Variants in ANO4 observed in about 807,000 individuals in gnomAD.
ANO4 encodes the protein anoctamin-4.
Under a neutral mutation model 141.9 loss-of-function variants are expected in ANO4, and 69 were observed. That is an observed-to-expected ratio of 0.49 (90% CI 0.40 to 0.59). The LOEUF is 0.59. Ranked by LOEUF, ANO4 falls within the 20% of genes least tolerant of loss-of-function variation. The pLI is 0.00. For missense variants in ANO4, 894 were observed against 1,162.2 expected (o/e 0.77, Z 3.36); for synonymous variants, 350 against 394.3 (o/e 0.89, Z 1.33).
At chr12:100,790,251 G>A (rs2034001799), upstream of ANO4, among the ~76,000 whole-genome samples, 1 of 152,248 alleles carries the variant, frequency 6.6e-6, no homozygotes, top group South Asian at 2.1e-4. Flanking sequence ...AGAGGGCTTT[G>A]AATGTCAGGT....
chr12:101,075,437 A>C (rs1040509937), intron 14 of ANO4, among the ~76,000 whole-genome samples: 2 of 151,736 alleles, frequency 1.3e-5, no homozygotes, highest in Admixed American at 6.6e-5. Flanking sequence ...GAATCTAAGG[A>C]GTTCAAAATG....
At chr12:100,963,352 G>A (rs1377560907) in intron 5 of ANO4, among the ~76,000 whole-genome samples, 1 of 152,182 alleles carries the variant, frequency 6.6e-6, no homozygotes, top group Non-Finnish European at 1.5e-5. Context: ...TACTAAGGGG[G>A]AGGGAGTGGC....
chr12:101,060,306 G>A lies in ANO4; in HGVS notation c.1312+11905G>A, dbSNP rs144535094. Reference sequence around the variant, plus strand: ...AGGAGTGTTTTACTTCCAATTATGTGGTCAATTTTAGAATAAGTGCAATGT... The same window carrying A: ...AGGAGTGTTTTACTTCCAATTATGTAGTCAATTTTAGAATAAGTGCAATGT... On this transcript the variant is annotated intron_variant, in intron 14 of 27. Coordinates refer to ENST00000392977, the MANE Select transcript of ANO4 (RefSeq NM_001286615.2). 2.9e-3 allele frequency among the ~76,000 whole-genome samples: 447 copies of A among 152,256 alleles called. 6 individuals are homozygous for A. The highest frequency in any genetic ancestry group is 0.01 in the African/African-American group (433 of 41,538).
At chr12:100,837,075 G>A (rs1367959374) in intron 1 of ANO4, among the ~76,000 whole-genome samples, 1 of 152,130 alleles carries the variant, frequency 6.6e-6, no homozygotes, top group Non-Finnish European at 1.5e-5. Context: ...AGAGAAGCCA[G>A]GCTTTGCCTT....
At chr12:100,974,387 G>A (rs1156553246) in intron 6 of ANO4, among the ~76,000 whole-genome samples, 1 of 151,694 alleles carries the variant, frequency 6.6e-6, no homozygotes. Context: ...TATTACTCCT[G>A]TCTATACCAT....
rs76042475 is a variant in ANO4 at position 101,011,318 on chromosome 12, C to T, written c.735-8716C>T. On this transcript the variant is annotated intron_variant, in intron 8 of 27. Transcript: ENST00000392977. Reference sequence around the variant, plus strand: ...CATAGGAGGAATCATGGCCTTTTTTCTTTTTTTTTTTTTTTTTGCAATCTA... The same window carrying T: ...CATAGGAGGAATCATGGCCTTTTTTTTTTTTTTTTTTTTTTTTGCAATCTA... Among the ~76,000 whole-genome samples, 482 of 110,550 alleles carry T rather than the reference C, an allele frequency of 4.4e-3. 17 individuals are homozygous for T. Among genetic ancestry groups the T allele is most frequent in the Non-Finnish European group, 5.4e-3 (278 of 51,314 alleles). The allele number at this position is 110,550 out of a possible 152,430, so 72.5% of individuals were successfully genotyped here. A position where few individuals can be genotyped will look rare whatever the true frequency, so the allele number is the denominator to read the frequency against.
At chr12:100,949,557 C>T (rs1363363854) in intron 5 of ANO4, among the ~76,000 whole-genome samples, 2 of 152,094 alleles carry the variant, frequency 1.3e-5, no homozygotes, top group Non-Finnish European at 2.9e-5. Context: ...GTTATCATAA[C>T]GGCTAAATAC....
chr12:101,083,582 T>C lies in ANO4; in HGVS notation c.1396-96T>C. ...TTGGTTGACTAATTAGTGTGGCAGCTGTTGACTCTGTTTTATGGTGGGGTA... is the reference window on the plus strand; with the variant it reads ...TTGGTTGACTAATTAGTGTGGCAGCCGTTGACTCTGTTTTATGGTGGGGTA... On this transcript the variant is annotated intron_variant, in intron 15 of 27. Coordinates refer to ENST00000392977, the MANE Select transcript of ANO4 (RefSeq NM_001286615.2). The C allele has an allele frequency of 2.1e-6, 3 of 1,427,366 alleles. No homozygotes were observed. In the Admixed American group the frequency reaches 7.8e-5, roughly 37 times the overall value. 88.4% of individuals were successfully genotyped at this position (1,427,366 alleles called of 1,614,324 possible).
intron 3 of ANO4, 75 bp from the exon 4 acceptor site, chr12:100,939,240 A>T: frequency 7.0e-7 from 1 of 1,423,126 alleles, no homozygotes; most frequent in Non-Finnish European, 9.6e-7. Flanking sequence ...CCAAAGGGAG[A>T]TGTTTTCTCT....
intron 9 of ANO4, among the ~76,000 whole-genome samples, chr12:101,035,607 AAG>A (rs2047162208): frequency 6.6e-6 from 1 of 152,206 alleles, no homozygotes; most frequent in African/African-American, 2.4e-5. Flanking sequence ...TCCTGAGGAC[AAG>A]AGAACTTTTC....
chr12:100,962,174 A>G (rs1033838010), intron 5 of ANO4, among the ~76,000 whole-genome samples: 1 of 152,102 alleles, frequency 6.6e-6, no homozygotes, highest in Non-Finnish European at 1.5e-5. Flanking sequence ...AAGAGGATGA[A>G]TTTTTTTCTG....
chr12:101,079,041 T>G (rs911409962), intron 14 of ANO4, 152 bp from the exon 15 acceptor site: 9 of 685,002 alleles, frequency 1.3e-5, no homozygotes, highest in Non-Finnish European at 2.3e-5. Context: ...ATAGTCCTTG[T>G]GAAATGAAGC....
chr12:101,110,699 T>C (rs934080598), intron 23 of ANO4, 143 bp downstream of exon 23: 1 of 697,110 alleles, frequency 1.4e-6, no homozygotes, highest in South Asian at 5.0e-5. Context: ...ATTATATTAG[T>C]TTTAAATAAT....
chr12:100,729,125 G>A (rs896972038), intron 1 of ANO4, among the ~76,000 whole-genome samples: 63 of 151,934 alleles, frequency 4.1e-4, no homozygotes, highest in Non-Finnish European at 6.8e-4. Flanking sequence ...TTTATAAGTG[G>A]ATTCACAGAT....
At chr12:100,865,467 A>G (rs1360760840) in intron 1 of ANO4, among the ~76,000 whole-genome samples, 1 of 152,180 alleles carries the variant, frequency 6.6e-6, no homozygotes, top group Non-Finnish European at 1.5e-5. Flanking sequence ...ATTTATGAGA[A>G]AAAAACAACC....
intron 18 of ANO4, 49 bp from the exon 19 acceptor site, chr12:101,096,487 G>A (rs201618129): frequency 5.0e-5 from 71 of 1,413,682 alleles, no homozygotes; most frequent in Admixed American, 1.2e-4. Context: ...AGGGAGTTGA[G>A]AGGGGATGAG....
At chr12:100,945,723 A>G (rs1314099576) in intron 5 of ANO4, among the ~76,000 whole-genome samples, 2 of 152,142 alleles carry the variant, frequency 1.3e-5, no homozygotes. Flanking sequence ...CTAATGGAGC[A>G]CCCTCCCGCT....
At chr12:100,912,628 T>C (rs1361293409) in intron 2 of ANO4, among the ~76,000 whole-genome samples, 3 of 152,256 alleles carry the variant, frequency 2.0e-5, no homozygotes, top group African/African-American at 7.2e-5. Context: ...GAGTGAAATT[T>C]TGGGGGCTTT....
chr12:101,099,900 T>G (rs1398059371), intron 22 of ANO4, among the ~76,000 whole-genome samples, 180 bp downstream of exon 22: 3 of 152,202 alleles, frequency 2.0e-5, no homozygotes, highest in Non-Finnish European at 4.4e-5. Flanking sequence ...ATCAGATTTC[T>G]CTGGAATCAA....
Sources: gnomAD v4.1 joint callset for allele counts (sites outside exome capture counted in the v4.1 genomes callset) on GRCh38, gnomAD v4.1.1 for gene constraint, MANE v1.5 for transcripts, NCBI Gene and HGNC (gene_info 2026-07-23, HGNC 2026-07-21) for gene names.